The following COL23A1 variants were observed in gnomAD, a reference collection of about 807,000 sequenced individuals.
COL23A1 encodes collagen alpha-1(XXIII) chain.
Under a neutral mutation model 99.3 loss-of-function variants are expected in COL23A1, and 97 were observed. That is an observed-to-expected ratio of 0.98 (90% CI 0.83 to 1.16). COL23A1 has a LOEUF of 1.16. Among genes scored for constraint, COL23A1 ranks in the 50% most tolerant of loss-of-function variants. The probability of loss-of-function intolerance (pLI) is 0.00; values close to 1 mark genes in which losing one functional copy is unlikely to be tolerated. For missense variants in COL23A1, 762 were observed against 757.4 expected (o/e 1.01, Z -0.07); for synonymous variants, 320 against 308.2 (o/e 1.04, Z -0.40).
rs557045813 is a variant in COL23A1, at chr5:178,491,229, C to T, written c.361+69453G>A. Among the ~76,000 whole-genome samples, 124 of 152,228 alleles carry T rather than the reference C, an allele frequency of 8.1e-4. 2 individuals carry two copies. The highest frequency in any genetic ancestry group is 3.4e-3 in the Middle Eastern group (1 of 294). The stretch of plus-strand genomic sequence containing the variant: ...AAAGGACAGTGTGTTGTTCCCAGAA[C>T]TCAAGACCTGCCCCTCATCCTCGTG... On this transcript the variant is annotated intron_variant, in intron 2 of 28. Transcript: ENST00000390654.
chr5:178,547,987 C>A (rs1761786038), intron 2 of COL23A1, among the ~76,000 whole-genome samples: 1 of 27,536 alleles, frequency 3.6e-5, no homozygotes, highest in Non-Finnish European at 7.9e-5. Context: ...CACACCCACC[C>A]CCCACACACC....
intron 8 of COL23A1, 79 bp from the exon 9 acceptor site, chr5:178,263,403 C>G: frequency 1.1e-6 from 1 of 872,630 alleles, no homozygotes; most frequent in Admixed American, 2.6e-5. Context: ...AGATGGGCAG[C>G]CCCACGCCAT....
intron 2 of COL23A1, among the ~76,000 whole-genome samples, chr5:178,410,449 T>G (rs1765001569): frequency 6.6e-6 from 1 of 152,186 alleles, no homozygotes; most frequent in Non-Finnish European, 1.5e-5. Context: ...GTTGGAAGAC[T>G]CACACTTAAC....
chr5:178,492,792 G>A (rs769216839), intron 2 of COL23A1, among the ~76,000 whole-genome samples: 14 of 151,950 alleles, frequency 9.2e-5, no homozygotes, highest in Non-Finnish European at 1.8e-4. Context: ...TGGGCACTGG[G>A]AGCACAGATC....
intron 2 of COL23A1, among the ~76,000 whole-genome samples, chr5:178,343,663 A>ATATAT (rs1554141722): frequency 0.01 from 1,367 of 134,360 alleles, 35 homozygotes; most frequent in African/African-American, 0.035. Context: ...ATATATATAT[A>ATATAT]TTTTTTTTTT....
intron 2 of COL23A1, among the ~76,000 whole-genome samples, chr5:178,324,463 C>T (rs114698097): frequency 2.6e-3 from 397 of 152,214 alleles, no homozygotes; most frequent in Non-Finnish European, 4.4e-3. Flanking sequence ...CAACCGCCGG[C>T]GAGGATTTCT....
intron 5 of COL23A1, among the ~76,000 whole-genome samples, chr5:178,286,313 C>T (rs1488978959): frequency 6.6e-6 from 1 of 152,168 alleles, no homozygotes; most frequent in Non-Finnish European, 1.5e-5. Context: ...TGCTGGACCC[C>T]AGCTCTCTTC....
Position 178,560,715 on chromosome 5 carries a change from G to C in COL23A1, c.328C>G (p.Arg110Gly), listed in dbSNP as rs1474599119. The C allele has an allele frequency of 1.9e-6, 3 of 1,612,546 alleles. No individual in the cohort carries two copies. Among genetic ancestry groups the C allele is most frequent in the Non-Finnish European group, 2.5e-6 (3 of 1,179,672 alleles). The change falls in exon 2 of 29, where the codon CGG (arginine) becomes GGG (glycine). Residue 110 changes from arginine (R) to glycine (G), a missense_variant. Arg to Gly is a moderately radical substitution (Grantham distance 125, BLOSUM62 -2). Coordinates refer to ENST00000390654, the MANE Select transcript of COL23A1 (RefSeq NM_173465.4). ...CAGACACATTCGGATGGAGCTTCCCGAGCAGTCCGGATCTTCGCTAGTCCG... is the reference window on the plus strand; with the variant it reads ...CAGACACATTCGGATGGAGCTTCCCCAGCAGTCCGGATCTTCGCTAGTCCG... The part of the protein sequence containing the change: ...LDGLAKIRTA[R>G]EAPSECVCPP...
intron 2 of COL23A1, among the ~76,000 whole-genome samples, chr5:178,518,508 G>A (rs1759708398): frequency 1.3e-5 from 2 of 148,564 alleles, no homozygotes; most frequent in African/African-American, 5.0e-5. Context: ...CGGACGGGGT[G>A]GCTGGCCGGG....
chr5:178,346,217 A>T (rs1263575158), intron 2 of COL23A1, among the ~76,000 whole-genome samples: 1 of 151,834 alleles, frequency 6.6e-6, no homozygotes, highest in Non-Finnish European at 1.5e-5. Flanking sequence ...TTTATTTATT[A>T]TTTATTTATT....
In COL23A1 at chr5:178,507,129, T is replaced by C. The variant is rs376090619; in HGVS notation, c.361+53553A>G. ...AAAAGCAAATATGTAGACACACTCC[T>C]ATTTCCTCCTTTTTCTTATATAAAA... On this transcript the variant is annotated intron_variant, in intron 2 of 28. Coordinates refer to ENST00000390654, the MANE Select transcript of COL23A1 (RefSeq NM_173465.4). Among the ~76,000 whole-genome samples, 29 of 152,370 alleles carry C rather than the reference T, an allele frequency of 1.9e-4. No homozygotes were observed. In the East Asian group the frequency reaches 5.6e-3, roughly 29 times the overall value.
chr5:178,244,249 A>C (rs1423901518), intron 25 of COL23A1, among the ~76,000 whole-genome samples: 1 of 151,238 alleles, frequency 6.6e-6, no homozygotes, highest in African/African-American at 2.4e-5. Flanking sequence ...TCGGCTTCCC[A>C]AAGTGCTGGG....
intron 2 of COL23A1, among the ~76,000 whole-genome samples, chr5:178,538,373 G>A (rs944904503): frequency 6.6e-6 from 1 of 151,986 alleles, no homozygotes; most frequent in Admixed American, 6.6e-5. Flanking sequence ...AAAATGATGG[G>A]GTAGAAAAAT....
intron 2 of COL23A1, among the ~76,000 whole-genome samples, chr5:178,546,594 C>T (rs886195192): frequency 3.9e-5 from 6 of 152,206 alleles, no homozygotes; most frequent in African/African-American, 1.4e-4. Flanking sequence ...GCCACTAACA[C>T]TTACTGGACG....
intron 2 of COL23A1, among the ~76,000 whole-genome samples, chr5:178,507,580 C>T (rs770960348): frequency 2.0e-5 from 3 of 152,212 alleles, no homozygotes; most frequent in Non-Finnish European, 4.4e-5. Context: ...ATCTGAGAAT[C>T]TTGATTCCTC....
At chr5:178,486,822 A>G (rs1356199775) in intron 2 of COL23A1, among the ~76,000 whole-genome samples, 2 of 152,216 alleles carry the variant, frequency 1.3e-5, no homozygotes, top group Non-Finnish European at 2.9e-5. Flanking sequence ...ACAGGAACCT[A>G]CTGTGTCTCG....
chr5:178,460,547 A>G (rs1397884276), intron 2 of COL23A1, among the ~76,000 whole-genome samples: 1 of 152,168 alleles, frequency 6.6e-6, no homozygotes, highest in Non-Finnish European at 1.5e-5. Flanking sequence ...AAGATGTCCA[A>G]ATCCTGGTGT....
intron 2 of COL23A1, among the ~76,000 whole-genome samples, chr5:178,427,260 C>T (rs951962921): frequency 6.6e-6 from 1 of 152,218 alleles, no homozygotes; most frequent in East Asian, 1.9e-4. Flanking sequence ...ATCCAGCACA[C>T]TGAACCACCA....
chr5:178,335,378 CA>C (rs1760260543), intron 2 of COL23A1, among the ~76,000 whole-genome samples: 1 of 152,170 alleles, frequency 6.6e-6, no homozygotes, highest in African/African-American at 2.4e-5. Flanking sequence ...TTTCAAGAGG[CA>C]TAATTGAATT....
Sources: gnomAD v4.1 joint callset for allele counts (sites outside exome capture counted in the v4.1 genomes callset) on GRCh38, gnomAD v4.1.1 for gene constraint, MANE v1.5 for transcripts, NCBI Gene and HGNC (gene_info 2026-07-23, HGNC 2026-07-21) for gene names.